NLGN1: variants seen among roughly 807,000 people sequenced by gnomAD.
The protein encoded by NLGN1 is neuroligin 1.
In NLGN1, 12 loss-of-function variants were observed where a neutral mutation model predicts 65.5. The ratio of observed to expected loss-of-function variants is 0.18; its 90% CI spans 0.12 to 0.30. The LOEUF (loss-of-function observed/expected upper bound fraction) is 0.30. Ranked by LOEUF, NLGN1 falls within the 10% of genes least tolerant of loss-of-function variation. The pLI, the probability that NLGN1 is intolerant of heterozygous loss-of-function variation, is 1.00. For synonymous variants in NLGN1, 350 were observed against 359.5 expected, an observed-to-expected ratio of 0.97 and a Z score of 0.30; for missense variants, 750 against 1,007.1, an observed-to-expected ratio of 0.74 and a Z score of 3.46.
At chr3:174,153,640 AT>A (rs1724821218) in intron 4 of NLGN1, among the ~76,000 whole-genome samples, 1 of 152,138 alleles carries the variant, frequency 6.6e-6, no homozygotes, top group South Asian at 2.1e-4. Flanking sequence ...CATAATTAAA[AT>A]CACAATATGT....
At chr3:173,752,206 A>G (rs1233520045) in intron 3 of NLGN1, among the ~76,000 whole-genome samples, 2 of 152,142 alleles carry the variant, frequency 1.3e-5, no homozygotes, top group African/African-American at 4.8e-5. Flanking sequence ...GCAAATAACA[A>G]ATCCTTACTG....
At chr3:173,445,196 AG>A (rs1330302085) in intron 2 of NLGN1, among the ~76,000 whole-genome samples, 1 of 137,462 alleles carries the variant, frequency 7.3e-6, no homozygotes, top group African/African-American at 2.8e-5. Context: ...TGAACCCGGG[AG>A]GCGGAGCTTG....
chr3:173,426,501 G>T (rs1553847195), intron 1 of NLGN1, among the ~76,000 whole-genome samples: 1 of 151,898 alleles, frequency 6.6e-6, no homozygotes, highest in Non-Finnish European at 1.5e-5. Context: ...TTTGGGGTAT[G>T]TTTTTTTCTA....
At chr3:173,462,165 T>C (rs1406096655) in intron 2 of NLGN1, among the ~76,000 whole-genome samples, 3 of 152,180 alleles carry the variant, frequency 2.0e-5, no homozygotes, top group East Asian at 1.9e-4. Flanking sequence ...TCTTTACTTA[T>C]CTCATTGCAA....
intron 4 of NLGN1, among the ~76,000 whole-genome samples, chr3:173,946,435 G>A (rs1747167423): frequency 6.6e-6 from 1 of 152,060 alleles, no homozygotes; most frequent in Non-Finnish European, 1.5e-5. Flanking sequence ...CATTTCCTTT[G>A]TCAATAGTAT....
intron 2 of NLGN1, among the ~76,000 whole-genome samples, chr3:173,574,702 G>A (rs989392223): frequency 1.3e-5 from 2 of 152,116 alleles, no homozygotes; most frequent in African/African-American, 4.8e-5. Flanking sequence ...TAACATGAGA[G>A]AACATATATT....
At chr3:173,711,570 G>A (rs1364044077) in intron 3 of NLGN1, among the ~76,000 whole-genome samples, 1 of 152,132 alleles carries the variant, frequency 6.6e-6, no homozygotes, top group Non-Finnish European at 1.5e-5. Flanking sequence ...AAGCATCAAA[G>A]CTCATTAGTT....
At chr3:173,462,892 A>C (rs2148894737) in intron 2 of NLGN1, among the ~76,000 whole-genome samples, 1 of 152,330 alleles carries the variant, frequency 6.6e-6, no homozygotes, top group East Asian at 1.9e-4. Flanking sequence ...TTATTTTGGC[A>C]GTAAGTCCTC....
At chr3:173,774,592 T>C (rs771411485) in intron 3 of NLGN1, among the ~76,000 whole-genome samples, 5 of 152,194 alleles carry the variant, frequency 3.3e-5, no homozygotes, top group Admixed American at 1.3e-4. Flanking sequence ...ACTTCTAGAA[T>C]GGGCTGTTTA....
At chr3:174,139,241 G>A (rs145702220) in intron 4 of NLGN1, among the ~76,000 whole-genome samples, 7 of 151,944 alleles carry the variant, frequency 4.6e-5, no homozygotes, top group Non-Finnish European at 8.8e-5. Context: ...TAGTTTCACC[G>A]TCCTAAAAAT....
At chr3:174,168,771 C>T (rs1727999626) in intron 4 of NLGN1, among the ~76,000 whole-genome samples, 1 of 152,156 alleles carries the variant, frequency 6.6e-6, no homozygotes, top group Admixed American at 6.6e-5. Context: ...GCACATCCAC[C>T]TGCAGGTTCC....
chr3:173,726,105 C>T (rs1268701507), intron 3 of NLGN1, among the ~76,000 whole-genome samples: 2 of 151,870 alleles, frequency 1.3e-5, no homozygotes, highest in Admixed American at 1.3e-4. Context: ...CTTTTCCTTA[C>T]TCTGTTGGAA....
At chr3:173,816,261 A>C (rs2150504979) in intron 4 of NLGN1, among the ~76,000 whole-genome samples, 1 of 152,228 alleles carries the variant, frequency 6.6e-6, no homozygotes, top group South Asian at 2.1e-4. Context: ...ATTTGTTTTA[A>C]GCAATTTACA....
At chr3:173,396,111 C>T (rs1377210764), upstream of NLGN1, among the ~76,000 whole-genome samples, 2 of 152,088 alleles carry the variant, frequency 1.3e-5, no homozygotes, top group Non-Finnish European at 2.9e-5. Context: ...GCATCTGCAG[C>T]CACCTCCCCG....
chr3:173,612,615 G>A (rs1006085537), intron 3 of NLGN1, among the ~76,000 whole-genome samples: 6 of 151,996 alleles, frequency 3.9e-5, no homozygotes, highest in African/African-American at 1.4e-4. Flanking sequence ...TTCTTACACA[G>A]GTGCTGGCCC....
intron 3 of NLGN1, among the ~76,000 whole-genome samples, chr3:173,782,315 G>C (rs751271868): frequency 2.8e-4 from 43 of 152,050 alleles, no homozygotes; most frequent in Non-Finnish European, 5.6e-4. Context: ...ACATAGATCA[G>C]CAAATTAATT....
intron 2 of NLGN1, among the ~76,000 whole-genome samples, chr3:173,600,200 T>TCAC (rs1187383560): frequency 0.12 from 18,092 of 145,032 alleles, 1,167 homozygotes; most frequent in South Asian, 0.23. Flanking sequence ...TACATGTGTG[T>TCAC]ACACACACAC....
At chr3:173,608,115 G>A (rs889658501) in intron 3 of NLGN1, among the ~76,000 whole-genome samples, 1 of 151,738 alleles carries the variant, frequency 6.6e-6, no homozygotes, top group Non-Finnish European at 1.5e-5. Context: ...TAAAAGAAAA[G>A]AAATCTTATC....
intron 3 of NLGN1, among the ~76,000 whole-genome samples, chr3:173,733,216 T>C (rs1773150681): frequency 6.6e-6 from 1 of 152,128 alleles, no homozygotes; most frequent in African/African-American, 2.4e-5. Context: ...AAGATCCAAT[T>C]TGAACCAGCA....
Sources: gnomAD v4.1 joint callset for allele counts (sites outside exome capture counted in the v4.1 genomes callset) on GRCh38, gnomAD v4.1.1 for gene constraint, MANE v1.5 for transcripts, NCBI Gene and HGNC (gene_info 2026-07-23, HGNC 2026-07-21) for gene names.